The following TTC28 variants were observed in gnomAD, a reference collection of about 807,000 sequenced individuals.
TTC28 encodes the protein tetratricopeptide repeat domain 28, also known as tetratricopeptide repeat protein 28.
A neutral mutation model predicts 198.0 loss-of-function variants in TTC28; 61 were observed. The ratio of observed to expected loss-of-function variants is 0.31; its 90% CI spans 0.25 to 0.38. The LOEUF (loss-of-function observed/expected upper bound fraction) is 0.38. Among genes scored for constraint, TTC28 ranks in the 10% least tolerant of loss-of-function variants. The pLI, the probability that TTC28 is intolerant of heterozygous loss-of-function variation, is 1.00. For synonymous variants in TTC28, 1,171 were observed against 1,297.8 expected (o/e 0.90, Z 2.10); for missense variants, 2,678 against 3,164.0 (o/e 0.85, Z 3.69).
At chr22:28,146,161 G>A (rs1943465045) in intron 6 of TTC28, among the ~76,000 whole-genome samples, 1 of 152,234 alleles carries the variant, frequency 6.6e-6, no homozygotes, top group Non-Finnish European at 1.5e-5. Flanking sequence ...AACTTGGCTT[G>A]TAGGCAAAAT....
intron 2 of TTC28, among the ~76,000 whole-genome samples, chr22:28,609,923 G>C (rs1306673240): frequency 1.3e-5 from 2 of 152,204 alleles, no homozygotes; most frequent in African/African-American, 4.8e-5. Flanking sequence ...CACCTTTGCT[G>C]AGGCTTGAGA....
chr22:28,411,216 T>C (rs2047076409), intron 2 of TTC28, among the ~76,000 whole-genome samples: 1 of 152,170 alleles, frequency 6.6e-6, no homozygotes, highest in Non-Finnish European at 1.5e-5. Context: ...ATCTTTGTAA[T>C]GTTTTGTCGC....
chr22:28,460,261 T>C (rs2047928031), intron 2 of TTC28, among the ~76,000 whole-genome samples: 1 of 152,146 alleles, frequency 6.6e-6, no homozygotes, highest in Non-Finnish European at 1.5e-5. Context: ...GGGTAAAGGT[T>C]GATTGTGGTG....
chr22:28,491,355 ACT>A, intron 2 of TTC28, among the ~76,000 whole-genome samples: 1 of 152,216 alleles, frequency 6.6e-6, no homozygotes, highest in Admixed American at 6.5e-5. Flanking sequence ...TTTGCAATCT[ACT>A]TATCTGACAA....
chr22:28,001,702 G>C (rs1031546390), intron 14 of TTC28, 149 bp from the exon 15 acceptor site: 14 of 904,086 alleles, frequency 1.5e-5, no homozygotes, highest in Admixed American at 5.4e-5. Context: ...CATGGGCCGA[G>C]TTGCAGCCCT....
intron 14 of TTC28, among the ~76,000 whole-genome samples, chr22:28,009,464 C>G (rs1938052070): frequency 6.6e-6 from 1 of 152,214 alleles, no homozygotes; most frequent in Non-Finnish European, 1.5e-5. Flanking sequence ...GGCTTGGCAG[C>G]TGACAGCGGC....
At chr22:28,431,318 T>C (rs1191301591) in intron 2 of TTC28, among the ~76,000 whole-genome samples, 5 of 152,214 alleles carry the variant, frequency 3.3e-5, no homozygotes, top group Middle Eastern at 3.2e-3. Context: ...TTTAGAAGCA[T>C]GTCATTGAAA....
At chr22:28,237,592 C>A (rs1237575370) in intron 5 of TTC28, among the ~76,000 whole-genome samples, 4 of 152,140 alleles carry the variant, frequency 2.6e-5, no homozygotes, top group African/African-American at 9.7e-5. Flanking sequence ...ATAAGCCCCA[C>A]AATATACTGT....
At chr22:28,139,838 T>C (rs1390622175) in intron 6 of TTC28, among the ~76,000 whole-genome samples, 1 of 152,156 alleles carries the variant, frequency 6.6e-6, no homozygotes, top group Non-Finnish European at 1.5e-5. Flanking sequence ...CATCTCTCTC[T>C]GCACAGCTCC....
intron 2 of TTC28, among the ~76,000 whole-genome samples, chr22:28,438,980 GAGTGACAAAATATTC>G (rs537480732): frequency 3.0e-4 from 46 of 152,136 alleles, no homozygotes; most frequent in Non-Finnish European, 6.0e-4. Flanking sequence ...GATTAGAAAT[GAGTGACAAAATATTC>G]TGGTTTTCTT....
At chr22:28,162,972 C>T (rs1243180095) in intron 6 of TTC28, 120 bp downstream of exon 6, 1 of 1,290,948 alleles carries the variant, frequency 7.7e-7, no homozygotes, top group African/African-American at 1.5e-5. Context: ...AAAGAGCACA[C>T]ACAATAAGGA....
chr22:28,478,143 C>T (rs1277561572), intron 2 of TTC28, among the ~76,000 whole-genome samples: 4 of 152,208 alleles, frequency 2.6e-5, no homozygotes, highest in African/African-American at 9.7e-5. Context: ...TTTAAACATA[C>T]ACTAGACATT....
intron 5 of TTC28, among the ~76,000 whole-genome samples, chr22:28,218,868 A>G (rs1927618725): frequency 1.3e-5 from 2 of 152,108 alleles, no homozygotes; most frequent in African/African-American, 4.8e-5. Flanking sequence ...CTTCTAGTGC[A>G]GCTTGGTGCC....
intron 2 of TTC28, among the ~76,000 whole-genome samples, chr22:28,447,721 G>A (rs1046842322): frequency 2.0e-4 from 31 of 152,260 alleles, no homozygotes; most frequent in Admixed American, 5.9e-4. Flanking sequence ...ACAGTAAACT[G>A]TATCAAGAAG....
At chr22:28,061,895 G>C (rs939598411) in intron 12 of TTC28, among the ~76,000 whole-genome samples, 3 of 152,032 alleles carry the variant, frequency 2.0e-5, no homozygotes, top group Admixed American at 1.3e-4. Context: ...TTATTTTGTT[G>C]AGCAGTGGTT....
chr22:28,648,531 A>C (rs980305121), intron 1 of TTC28, among the ~76,000 whole-genome samples: 2 of 152,266 alleles, frequency 1.3e-5, no homozygotes, highest in Non-Finnish European at 2.9e-5. Flanking sequence ...TATCAAAAAG[A>C]CACATGCATG....
intron 2 of TTC28, among the ~76,000 whole-genome samples, chr22:28,423,475 C>G (rs751923509): frequency 1.3e-5 from 2 of 152,164 alleles, no homozygotes; most frequent in Admixed American, 1.3e-4. Flanking sequence ...GCTTTCCCCA[C>G]AAAATTCAGT....
chr22:28,095,774 G>GCT (rs1271551028), intron 11 of TTC28, among the ~76,000 whole-genome samples: 1 of 152,152 alleles, frequency 6.6e-6, no homozygotes, highest in Non-Finnish European at 1.5e-5. Flanking sequence ...CTGTGATAGA[G>GCT]CTGCCATTAT....
intron 2 of TTC28, among the ~76,000 whole-genome samples, chr22:28,484,793 C>G (rs1016079842): frequency 1.3e-5 from 2 of 152,144 alleles, no homozygotes; most frequent in South Asian, 4.1e-4. Flanking sequence ...CAATCAACCT[C>G]GTAACTATTC....
Sources: gnomAD v4.1 joint callset for allele counts (sites outside exome capture counted in the v4.1 genomes callset) on GRCh38, gnomAD v4.1.1 for gene constraint, MANE v1.5 for transcripts, NCBI Gene and HGNC (gene_info 2026-07-23, HGNC 2026-07-21) for gene names.